Variants in CASZ1 observed in about 807,000 individuals in gnomAD.
CASZ1 encodes castor zinc finger 1, also known as zinc finger protein castor homolog 1.
In CASZ1, 28 loss-of-function variants were observed where a neutral mutation model predicts 135.2. That is an observed-to-expected ratio of 0.21 (90% confidence interval 0.15 to 0.28). The LOEUF (loss-of-function observed/expected upper bound fraction) is 0.28, where lower values mean the gene tolerates loss of function less well. CASZ1 is among the 10% of genes least tolerant of loss of function. The pLI is 1.00. For synonymous variants in CASZ1, 1,068 were observed against 1,073.4 expected, an observed-to-expected ratio of 0.99 and a Z score of 0.10; for missense variants, 2,161 against 2,453.3, an observed-to-expected ratio of 0.88 and a Z score of 2.52.
chr1:10,653,277 T>C (rs1376185872), intron 11 of CASZ1, 100 bp downstream of exon 11: 2 of 1,217,532 alleles, frequency 1.6e-6, no homozygotes, highest in Non-Finnish European at 2.4e-6. Context: ...ACACGGACAC[T>C]TCTTCCAAAC....
At chr1:10,746,575 T>A (rs959192246) in intron 2 of CASZ1, among the ~76,000 whole-genome samples, 5 of 152,140 alleles carry the variant, frequency 3.3e-5, no homozygotes, top group Admixed American at 6.5e-5. Flanking sequence ...GGTTGTCTGC[T>A]AAAAAGGCTG....
chr1:10,702,973 A>AGAG (rs1461089367), intron 3 of CASZ1, among the ~76,000 whole-genome samples: 3 of 151,780 alleles, frequency 2.0e-5, no homozygotes, highest in South Asian at 2.1e-4. Context: ...AGAGAGAGAG[A>AGAG]GAGAGAGAGA....
rs1642847058 is a variant in CASZ1, at chr1:10,657,595, AC to A, written c.1410-860del. On this transcript the variant is annotated intron_variant, in intron 7 of 20. Transcript: ENST00000377022. The surrounding 1 kb of genome is among the most constrained non-coding windows in gnomAD (Gnocchi z 5.7). The stretch of plus-strand genomic sequence containing the variant: ...ATAATAATACCACAGAGGAGACAGC[AC>A]GGGGCAGAGCTGAAGACAGAGTGGG... Among the ~76,000 whole-genome samples, 1 of 152,084 alleles carries A rather than the reference AC, an allele frequency of 6.6e-6. No individual in the cohort carries two copies. The highest frequency in any genetic ancestry group is 1.5e-5 in the Non-Finnish European group (1 of 68,018).
At chr1:10,796,470 C>G (rs1203370039) in intron 1 of CASZ1, 94 bp downstream of exon 1, 2 of 151,812 alleles carry the variant, frequency 1.3e-5, no homozygotes, top group Non-Finnish European at 2.9e-5. Context: ...GGGGGTGCAC[C>G]GGGACAGGGG....
rs1643203243 is a variant in CASZ1, at chr1:10,665,461, C to A, written c.127G>T (p.Val43Leu). 6.2e-7 allele frequency: 1 copy of A among 1,610,076 alleles called. No homozygotes were observed. Among genetic ancestry groups the A allele is most frequent in the African/African-American group, 1.3e-5 (1 of 75,068 alleles). Residue 43 changes from valine (V) to leucine (L), a missense_variant, in exon 5 of 21, where the codon GTG (valine) becomes TTG (leucine). Val to Leu is a conservative substitution (Grantham distance 32, BLOSUM62 1). Transcript: ENST00000377022. ...CCGGCGTCAGCTCGCTTCTCCACCA[C>A]CACCTGGCGGCTCAGCTTGGCGCAG... ...AICAKLSRQV[V>L]VEKRADAGSH...
chr1:10,644,924 G>A lies in CASZ1; in HGVS notation c.3861C>T (p.Gly1287=), dbSNP rs776744806. The A allele has an allele frequency of 6.2e-7, 1 of 1,613,122 alleles. No homozygotes were observed. The highest frequency in any genetic ancestry group is 1.1e-5 in the South Asian group (1 of 91,034). Residue 1287 remains glycine (G), a synonymous_variant, in exon 18 of 21, where the codon GGC becomes GGT. Transcript: ENST00000377022. ...AGCCCCAGCCCTCGGTACCTAGCCT[G>A]CCACACTCCTCGCGCTTGGTGAAGT... is the stretch of plus-strand genomic sequence containing the variant. The part of the protein sequence containing the change: ...FKYFTKREEC[G]RLGCKYNQVN...
At chr1:10,663,898 TC>T (rs1643137424) in intron 5 of CASZ1, among the ~76,000 whole-genome samples, 1 of 152,090 alleles carries the variant, frequency 6.6e-6, no homozygotes, top group Non-Finnish European at 1.5e-5. Flanking sequence ...CCCACTCCGC[TC>T]CCCGTCAGCT....
intron 4 of CASZ1, among the ~76,000 whole-genome samples, chr1:10,692,906 C>A (rs568275718): frequency 5.8e-4 from 89 of 152,318 alleles, no homozygotes; most frequent in Non-Finnish European, 1.0e-3. Flanking sequence ...AATGATCGGG[C>A]TGCTTGTTTC....
intron 1 of CASZ1, among the ~76,000 whole-genome samples, chr1:10,783,808 G>T (rs1022310516): frequency 7.1e-6 from 1 of 141,010 alleles, no homozygotes; most frequent in Admixed American, 7.8e-5. Context: ...GGAGGCGGAG[G>T]TTGCAGCAAG....
intron 4 of CASZ1, among the ~76,000 whole-genome samples, chr1:10,686,856 T>C (rs502098): frequency 0.011 from 1,625 of 152,282 alleles, 23 homozygotes; most frequent in East Asian, 0.041. Context: ...CCTGACCACA[T>C]TGCCCCACAC....
intron 1 of CASZ1, among the ~76,000 whole-genome samples, chr1:10,779,592 A>T (rs1640726687): frequency 6.6e-6 from 1 of 152,236 alleles, no homozygotes. Context: ...AATAAAAAAC[A>T]AATCACCGTA....
chr1:10,662,678 C>A (rs1229057659), intron 5 of CASZ1, among the ~76,000 whole-genome samples: 1 of 152,110 alleles, frequency 6.6e-6, no homozygotes, highest in Non-Finnish European at 1.5e-5. Flanking sequence ...CATGCAGACT[C>A]TCACATAAAA....
intron 3 of CASZ1, 59 bp from the exon 4 acceptor site, chr1:10,693,971 G>T: frequency 6.5e-7 from 1 of 1,530,468 alleles, no homozygotes; most frequent in South Asian, 1.1e-5. Context: ...TTAGCGTCTC[G>T]CGGGACCCCG....
At chr1:10,786,225 T>A (rs768218236) in intron 1 of CASZ1, among the ~76,000 whole-genome samples, 5 of 151,044 alleles carry the variant, frequency 3.3e-5, no homozygotes, top group Non-Finnish European at 7.4e-5. Context: ...ATGACCCACC[T>A]CACCCCACCG....
intron 5 of CASZ1, chr1:10,660,771 A>G: frequency 1.8e-6 from 1 of 551,006 alleles, no homozygotes; most frequent in South Asian, 2.5e-5. Context: ...CAATGCCAGG[A>G]AAATCAATTT....
In CASZ1 at chr1:10,694,848, C is replaced by A. The variant is rs1248703788; in HGVS notation, c.-23-936G>T. Among the ~76,000 whole-genome samples the A allele has an allele frequency of 1.4e-5, 2 of 143,662 alleles. No individual in the cohort carries two copies. Among genetic ancestry groups the A allele is most frequent in the African/African-American group, 5.0e-5 (2 of 40,036 alleles). The allele number at this position is 143,662 out of a possible 152,430, so 94.2% of individuals were successfully genotyped here. On this transcript the variant is annotated intron_variant, in intron 3 of 20. Transcript: ENST00000377022. This position sits in a 1 kb window ranked among gnomAD's most constrained non-coding sequence, Gnocchi z 6.6. ...CCGGCGCGGGGCGGGGAACGCGGCC[C>A]GAGTAAGGCGCCCGCGGGCACGCGC...
chr1:10,649,333 C>T lies in CASZ1; in HGVS notation c.2985G>A (p.Lys995=), dbSNP rs748725762. 6.3e-7 allele frequency: 1 copy of T among 1,597,802 alleles called. No individual in the cohort carries two copies. Among genetic ancestry groups the T allele is most frequent in the Non-Finnish European group, 8.5e-7 (1 of 1,172,402 alleles). The stretch of plus-strand genomic sequence containing the variant: ...CTGCCAACTTCTCCTGAACCAGCGC[C>T]TTCACGGCCTTGCCTAGGAAGGGCG... ...EPSPFLGKAV[K]ALVQEKLAEP... The change falls in exon 14 of 21, where the codon AAG becomes AAA. Residue 995 remains lysine, a synonymous_variant. Transcript: ENST00000377022.
chr1:10,647,844 C>T lies in CASZ1; in HGVS notation c.3454G>A (p.Ala1152Thr), dbSNP rs763703517. 1.5e-5 allele frequency: 25 copies of T among 1,613,740 alleles called. No homozygotes were observed. The highest frequency in any genetic ancestry group is 2.2e-5 in the East Asian group (1 of 44,888). The change falls in exon 16 of 21, where the codon GCC becomes ACC. Residue 1152 changes from alanine to threonine, a missense_variant. Coordinates refer to ENST00000377022, the MANE Select transcript of CASZ1 (RefSeq NM_001079843.3). The surrounding 1 kb of genome is among the most constrained non-coding windows in gnomAD (Gnocchi z 4.9). The part of the protein sequence containing the change: ...SPLATTSLEN[A>T]KPQVKPGFLQ... ...AATCCGGGTTTGACCTGGGGCTTGG[C>T]GTTCTCTAGAGAAGTCGTTGCCAAG... is the stretch of plus-strand genomic sequence containing the variant.
intron 3 of CASZ1, among the ~76,000 whole-genome samples, chr1:10,696,350 C>T (rs986818094): frequency 1.3e-5 from 2 of 152,158 alleles, no homozygotes; most frequent in African/African-American, 4.8e-5. Flanking sequence ...GGCCTAGAAA[C>T]CTTACTGAGC....
Sources: allele counts gnomAD v4.1 joint callset (sites outside exome capture counted in the v4.1 genomes callset), GRCh38; gene constraint gnomAD v4.1.1; non-coding constraint Gnocchi (gnomAD v3.1); transcripts MANE v1.5; gene names NCBI Gene and HGNC (gene_info 2026-07-23, HGNC 2026-07-21).